MSH5: variants seen among roughly 807,000 people sequenced by gnomAD.
MSH5 encodes the protein mutS protein homolog 5.
In MSH5, 78 loss-of-function variants were observed where a neutral mutation model predicts 107.7. That is an observed-to-expected ratio of 0.72 (90% CI 0.60 to 0.87). The LOEUF is 0.87. Among genes scored for constraint, MSH5 ranks in the 40% least tolerant of loss-of-function variants. The probability of loss-of-function intolerance (pLI) is 0.00; values close to 1 mark genes in which losing one functional copy is unlikely to be tolerated. For synonymous variants in MSH5, 326 were observed against 399.5 expected (o/e 0.82, Z 2.19); for missense variants, 889 against 1,046.6 (o/e 0.85, Z 2.08).
chr6:31,745,106 A>T, intron 8 of MSH5, 131 bp from the exon 9 acceptor site: 1 of 110,426 alleles, frequency 9.1e-6, no homozygotes, highest in Non-Finnish European at 1.4e-5. Context: ...TCCATCTCAA[A>T]AAAAAAAAAA....
intron 2 of MSH5, 96 bp from the exon 3 acceptor site, chr6:31,741,067 A>C: frequency 1.3e-6 from 2 of 1,482,988 alleles, no homozygotes; most frequent in Non-Finnish European, 1.8e-6. Context: ...TGCCTATCTC[A>C]GAGATTTGAG....
intron 10 of MSH5, 132 bp from the exon 11 acceptor site, chr6:31,753,169 A>G (rs1810114896): frequency 1.7e-6 from 2 of 1,159,964 alleles, no homozygotes; most frequent in South Asian, 3.0e-5. Flanking sequence ...TGCACTTGCC[A>G]CTACATTCCC....
At chr6:31,745,822 C>T (rs1487609118) in intron 9 of MSH5, among the ~76,000 whole-genome samples, 4 of 141,878 alleles carry the variant, frequency 2.8e-5, no homozygotes, top group East Asian at 4.2e-4. Context: ...GGCTGGAGTG[C>T]AGTGGTGCAA....
chr6:31,753,533 A>G, intron 11 of MSH5, 34 bp from the exon 12 acceptor site: 2 of 1,614,054 alleles, frequency 1.2e-6, no homozygotes, highest in Non-Finnish European at 1.7e-6. Flanking sequence ...GTGAGGGAAG[A>G]GAAAACAGCG....
At chr6:31,752,745 A>C (rs1351571768) in intron 10 of MSH5, among the ~76,000 whole-genome samples, 2 of 95,896 alleles carry the variant, frequency 2.1e-5, no homozygotes, top group Non-Finnish European at 3.6e-5. Context: ...CGAAAGAATA[A>C]GACGTTGTTG....
intron 7 of MSH5, 94 bp from the exon 8 acceptor site, chr6:31,744,452 G>A: frequency 1.3e-6 from 2 of 1,559,040 alleles, no homozygotes; most frequent in Non-Finnish European, 1.8e-6. Context: ...ACTTTGGGAA[G>A]AAGACTGGGA....
intron 9 of MSH5, among the ~76,000 whole-genome samples, chr6:31,746,569 C>T (rs911031715): frequency 2.0e-5 from 3 of 151,722 alleles, no homozygotes; most frequent in Non-Finnish European, 4.4e-5. Flanking sequence ...CTACCTCAGC[C>T]TCCTGAATAG....
chr6:31,747,389 AT>A lies in MSH5; in HGVS notation c.770del (p.Ile257ThrfsTer62). On this transcript the variant is annotated frameshift_variant, in exon 10 of 25. Transcript: ENST00000375750. LOFTEE classifies it high-confidence loss of function. ...GLKEGLSLFG[I>X]LNRCHCKWGE... is the part of the protein sequence containing the mutation. Reference sequence around the variant, plus strand: ...ACTCCCTGCCTTATCCCTCACAGGAATCCTCAACAGATGCCACTGTAAGTGG... The same window carrying A: ...ACTCCCTGCCTTATCCCTCACAGGAACCTCAACAGATGCCACTGTAAGTGG... The A allele has an allele frequency of 1.2e-6, 2 of 1,613,096 alleles. No homozygotes were observed. Among genetic ancestry groups the A allele is most frequent in the Non-Finnish European group, 1.7e-6 (2 of 1,180,018 alleles).
intron 10 of MSH5, among the ~76,000 whole-genome samples, chr6:31,752,251 C>T (rs550340767): frequency 4.6e-5 from 7 of 151,428 alleles, no homozygotes; most frequent in South Asian, 4.2e-4. Context: ...CCAGCCTGGC[C>T]AAGATGGTGA....
chr6:31,752,788 T>G (rs1810084782), intron 10 of MSH5, among the ~76,000 whole-genome samples: 1 of 152,184 alleles, frequency 6.6e-6, no homozygotes, highest in Non-Finnish European at 1.5e-5. Context: ...CAATCCTTTT[T>G]TCTCTGCAGT....
intron 12 of MSH5, chr6:31,756,833 G>T (rs905567225): frequency 2.7e-5 from 4 of 150,750 alleles, no homozygotes; most frequent in African/African-American, 9.8e-5. Flanking sequence ...TAGAGACAGG[G>T]TTTCACCATG....
chr6:31,743,211 T>C, intron 5 of MSH5, 41 bp downstream of exon 5: 4 of 1,593,332 alleles, frequency 2.5e-6, no homozygotes, highest in Middle Eastern at 1.7e-4. Context: ...CCTGTTCCGG[T>C]GTCCCATTCT....
At chr6:31,752,458 C>CA (rs1810046856) in intron 10 of MSH5, among the ~76,000 whole-genome samples, 1 of 151,736 alleles carries the variant, frequency 6.6e-6, no homozygotes, top group African/African-American at 2.4e-5. Flanking sequence ...TATGGTGACT[C>CA]ACGCCTGTAA....
chr6:31,744,281 G>A lies in MSH5; in HGVS notation c.629G>A (p.Gly210Asp), dbSNP rs757008823. The change falls in exon 7 of 25, where the codon GGC becomes GAC. Residue 210 changes from glycine to aspartate, a missense_variant. Gly to Asp is a moderately conservative substitution (Grantham distance 94). This residue lies in a region of MSH5 where 518 missense variants were observed against 565.0 expected (regional missense o/e 0.92). Coordinates refer to ENST00000375750, the MANE Select transcript of MSH5 (RefSeq NM_172166.4). The stretch of plus-strand genomic sequence containing the variant: ...TATAATGTCAGCGTCCCCATCCTGG[G>A]CTTTAAGAAATTTATGTTGTAGGTG... ...EDYNVSVPIL[G>D]FKKFMLTHLV... is the part of the protein sequence containing the mutation. The A allele has an allele frequency of 6.2e-7, 1 of 1,614,146 alleles. No individual in the cohort carries two copies. The highest frequency in any genetic ancestry group is 1.1e-5 in the South Asian group (1 of 91,078).
At position 31,758,876 on chromosome 6, in the gene MSH5, G is replaced by A. The variant is rs1340596175; in HGVS notation, c.1326+1G>A. The A allele has an allele frequency of 8.1e-6, 13 of 1,609,752 alleles. No homozygotes were observed. The highest frequency in any genetic ancestry group is 1.1e-5 in the Non-Finnish European group (13 of 1,176,010). ...ATGCAGTGTCATCTACATCCCTCTG[G>A]TGAGGGCAGGAGAGTGGGTGTAGCC... On this transcript the variant is annotated splice_donor_variant, in intron 15 of 24. Transcript: ENST00000375750. LOFTEE classifies it high-confidence loss of function. The surrounding 1 kb of genome is among the most constrained non-coding windows in gnomAD (Gnocchi z 5.1).
chr6:31,759,455 AGT>A lies in MSH5; in HGVS notation c.1440_1441del (p.Ala481ProfsTer156). ...CTCAGAGGAGAAGCTGCACTATCGT[AGT>A]GCCCGAACCAAGGAGCTGGATGCAT... ...FLSEEKLHYR[S>X]ARTKELDALL... On this transcript the variant is annotated frameshift_variant, in exon 17 of 25. Coordinates refer to ENST00000375750, the MANE Select transcript of MSH5 (RefSeq NM_172166.4). LOFTEE classifies it high-confidence loss of function. This position sits in a 1 kb window ranked among gnomAD's most constrained non-coding sequence, Gnocchi z 4.7. 6.2e-7 allele frequency: 1 copy of A among 1,612,764 alleles called. No homozygotes were observed. The highest frequency in any genetic ancestry group is 1.1e-5 in the South Asian group (1 of 91,054).
rs747492678 is a variant in MSH5, at chr6:31,753,625, A to G, written c.1010A>G (p.Tyr337Cys). The G allele has an allele frequency of 6.8e-6, 11 of 1,614,022 alleles. No individual in the cohort carries two copies. In the Admixed American group the frequency reaches 1.8e-4, roughly 27 times the overall value. Reference sequence around the variant, plus strand: ...AAGGTCAGCGACTGGCAGGTTCTCTACAAGGTAAGGCCTTCCTTCTTGAAT... The same window carrying G: ...AAGGTCAGCGACTGGCAGGTTCTCTGCAAGGTAAGGCCTTCCTTCTTGAAT... ...HTKVSDWQVL[Y>C]KTVYSALGLR... is the part of the protein sequence containing the mutation. Residue 337 changes from tyrosine to cysteine, a missense_variant, in exon 12 of 25, where the codon TAC becomes TGC. Coordinates refer to ENST00000375750, the MANE Select transcript of MSH5 (RefSeq NM_172166.4).
chr6:31,759,211 A>G lies in MSH5; in HGVS notation c.1407+34A>G, dbSNP rs368243797. The G allele has an allele frequency of 6.3e-7, 1 of 1,582,244 alleles. No individual in the cohort carries two copies. The highest frequency in any genetic ancestry group is 1.7e-5 in the Admixed American group (1 of 59,964). ...CTCAACCTCTGTAAGGTGAGTGATG[A>G]GGAAAATGAGTCAGCAGCTGAGGAA... On this transcript the variant is annotated intron_variant, in intron 16 of 24. Transcript: ENST00000375750. This position sits in a 1 kb window ranked among gnomAD's most constrained non-coding sequence, Gnocchi z 4.7.
intron 10 of MSH5, among the ~76,000 whole-genome samples, chr6:31,749,669 A>G (rs984145630): frequency 6.6e-6 from 1 of 151,794 alleles, no homozygotes; most frequent in African/African-American, 2.4e-5. Context: ...ATGTTTTTCT[A>G]GTTGCACTGT....
Sources: allele counts gnomAD v4.1 joint callset (sites outside exome capture counted in the v4.1 genomes callset), GRCh38; gene constraint gnomAD v4.1.1; regional missense constraint gnomAD v4.1.1; non-coding constraint Gnocchi (gnomAD v3.1); transcripts MANE v1.5; gene names NCBI Gene and HGNC (gene_info 2026-07-23, HGNC 2026-07-21).